GDA: variants seen among roughly 807,000 people sequenced by gnomAD.
GDA encodes guanine deaminase, also known as cytoplasmic PSD-95 interactor.
Under a neutral mutation model 59.6 loss-of-function variants are expected in GDA, and 18 were observed. The observed-to-expected ratio is 0.30, with a 90% confidence interval of 0.21 to 0.45. The LOEUF (loss-of-function observed/expected upper bound fraction) is 0.45. GDA is among the 20% of genes least tolerant of loss of function. The pLI, the probability that GDA is intolerant of heterozygous loss-of-function variation, is 1.00. For synonymous variants in GDA, 201 were observed against 201.1 expected (o/e 1.00, Z 0.00); for missense variants, 427 against 552.3 (o/e 0.77, Z 2.27).
intron 1 of GDA, among the ~76,000 whole-genome samples, chr9:72,177,767 C>T (rs1015846607): frequency 2.0e-5 from 3 of 152,144 alleles, no homozygotes; most frequent in South Asian, 4.1e-4. Context: ...CTGAGAGTTC[C>T]TTTAATGTGA....
chr9:72,136,739 G>T (rs548743578), intron 1 of GDA, among the ~76,000 whole-genome samples: 1 of 152,326 alleles, frequency 6.6e-6, no homozygotes, highest in African/African-American at 2.4e-5. Context: ...ACTTTGGTAG[G>T]CCGAGGTGGG....
intron 3 of GDA, among the ~76,000 whole-genome samples, chr9:72,203,623 A>G (rs1006739486): frequency 1.2e-4 from 19 of 152,140 alleles, no homozygotes; most frequent in African/African-American, 4.1e-4. Flanking sequence ...TCTGATCATT[A>G]TGTCCTGGTG....
chr9:72,141,658 A>G (rs975866356), intron 1 of GDA, among the ~76,000 whole-genome samples: 1 of 152,234 alleles, frequency 6.6e-6, no homozygotes, highest in South Asian at 2.1e-4. Flanking sequence ...CATGCATGCA[A>G]TGACTCTCAG....
intron 1 of GDA, among the ~76,000 whole-genome samples, chr9:72,130,666 T>A (rs982659697): frequency 1.3e-5 from 2 of 152,188 alleles, no homozygotes; most frequent in African/African-American, 4.8e-5. Flanking sequence ...ATGATTGAGG[T>A]GGCTAAAGAG....
intron 1 of GDA, among the ~76,000 whole-genome samples, chr9:72,130,499 C>T (rs1007550305): frequency 6.6e-6 from 1 of 152,218 alleles, no homozygotes; most frequent in African/African-American, 2.4e-5. Flanking sequence ...AAGTCCACAC[C>T]ACTGGTTAGT....
chr9:72,248,314 AGGT>A lies in GDA; in HGVS notation c.1341_1343del (p.Val448del). On this transcript the variant is annotated inframe_deletion, in exon 14 of 14. Coordinates refer to ENST00000358399, the MANE Select transcript of GDA (RefSeq NM_004293.5). Reference sequence around the variant, plus strand: ...GAAGAGGTTTATGTGGGCGGAAAGCAGGTGGTTCCGTTTTCCAGCTCAGTGTAA... The same window carrying A: ...GAAGAGGTTTATGTGGGCGGAAAGCAGGTTCCGTTTTCCAGCTCAGTGTAA... 1 of 1,613,488 alleles carries A rather than the reference AGGT, an allele frequency of 6.2e-7. No individual in the cohort carries two copies. The highest frequency in any genetic ancestry group is 8.5e-7 in the Non-Finnish European group (1 of 1,179,404).
Position 72,248,763 on chromosome 9 carries a change from T to C in GDA, c.*421T>C. 37 of 993,954 alleles carry C rather than the reference T, an allele frequency of 3.7e-5. No homozygotes were observed. The highest frequency in any genetic ancestry group is 4.4e-5 in the Non-Finnish European group (37 of 834,150). 61.6% of individuals were successfully genotyped at this position (993,954 alleles called of 1,614,324 possible). A position where few individuals can be genotyped will look rare whatever the true frequency, so the allele number is the denominator to read the frequency against. On this transcript the variant is annotated 3_prime_UTR_variant, in exon 14 of 14. Transcript: ENST00000358399. Reference sequence around the variant, plus strand: ...AAATGGACCCATGAGAGTATATTTTTATGAGGGAGCAAAAGTTAGACTGAG... The same window carrying C: ...AAATGGACCCATGAGAGTATATTTTCATGAGGGAGCAAAAGTTAGACTGAG...
At chr9:72,138,757 A>G (rs951288386) in intron 1 of GDA, among the ~76,000 whole-genome samples, 1 of 152,176 alleles carries the variant, frequency 6.6e-6, no homozygotes, top group African/African-American at 2.4e-5. Context: ...ACTTTTTAAA[A>G]TCTTTCAATT....
chr9:72,233,554 T>C (rs376764715), intron 10 of GDA, among the ~76,000 whole-genome samples: 196 of 151,804 alleles, frequency 1.3e-3, no homozygotes, highest in African/African-American at 4.5e-3. Flanking sequence ...GTTTTGGGAG[T>C]TTCTTCTAAA....
At chr9:72,195,353 TTTG>T in intron 1 of GDA, 144 bp from the exon 2 acceptor site, 9 of 286,718 alleles carry the variant, frequency 3.1e-5, no homozygotes, top group Admixed American at 5.0e-5. Context: ...TTTTTTTTTT[TTTG>T]CCTCTAAACT....
intron 2 of GDA, among the ~76,000 whole-genome samples, chr9:72,200,037 A>C (rs370769033): frequency 7.9e-6 from 1 of 126,314 alleles, no homozygotes; most frequent in Non-Finnish European, 1.6e-5. Flanking sequence ...TCGCTCTGTC[A>C]CCCAGGCTGG....
Position 72,251,013 on chromosome 9 carries a change from T to C in GDA, c.*2671T>C. ...TGTCCTAAACAGACCAAGGAGACTG[T>C]TCCCTAATTTATTCTCTTGGCTGGT... On this transcript the variant is annotated 3_prime_UTR_variant, in exon 14 of 14. Transcript: ENST00000358399. 1 of 570,662 alleles carries C rather than the reference T, an allele frequency of 1.8e-6. No homozygotes were observed. The highest frequency in any genetic ancestry group is 3.1e-6 in the Non-Finnish European group (1 of 323,430). 35.3% of individuals were successfully genotyped at this position (570,662 alleles called of 1,614,324 possible).
intron 10 of GDA, among the ~76,000 whole-genome samples, chr9:72,232,666 A>G (rs1838492267): frequency 1.3e-5 from 2 of 152,248 alleles, no homozygotes; most frequent in Admixed American, 1.3e-4. Flanking sequence ...TTTGGTCTCC[A>G]TAATTTAAGT....
At chr9:72,228,566 A>C (rs1030004147) in intron 9 of GDA, 2 of 152,868 alleles carry the variant, frequency 1.3e-5, no homozygotes, top group African/African-American at 4.8e-5. Context: ...TAACCTTTTG[A>C]AAGGTGATGG....
intron 1 of GDA, among the ~76,000 whole-genome samples, chr9:72,119,377 C>T (rs1380710098): frequency 4.6e-5 from 7 of 152,074 alleles, no homozygotes; most frequent in Admixed American, 1.3e-4. Context: ...TGGTGGCTCA[C>T]GCCTGTAGTC....
chr9:72,177,653 T>C (rs1038864523), intron 1 of GDA, among the ~76,000 whole-genome samples: 2 of 152,202 alleles, frequency 1.3e-5, no homozygotes, highest in African/African-American at 4.8e-5. Context: ...TAACTAATAA[T>C]ACAGAGTGAG....
intron 1 of GDA, among the ~76,000 whole-genome samples, chr9:72,190,662 T>C (rs1363492841): frequency 6.6e-6 from 1 of 152,192 alleles, no homozygotes; most frequent in African/African-American, 2.4e-5. Flanking sequence ...AATCCCCTTT[T>C]CTTCTTGAAT....
chr9:72,202,550 T>A (rs375585337), intron 2 of GDA, 21 bp from the exon 3 acceptor site: 4 of 1,483,292 alleles, frequency 2.7e-6, no homozygotes, highest in Non-Finnish European at 3.7e-6. Context: ...TAAATACTTT[T>A]ATTCTCATCT....
upstream of GDA, among the ~76,000 whole-genome samples, chr9:72,148,270 A>C (rs941446493): frequency 6.6e-6 from 1 of 151,828 alleles, no homozygotes; most frequent in Admixed American, 6.6e-5. Flanking sequence ...CATAAGACAC[A>C]TTCCCTGCTC....
Sources: allele counts gnomAD v4.1 joint callset (sites outside exome capture counted in the v4.1 genomes callset), GRCh38; gene constraint gnomAD v4.1.1; transcripts MANE v1.5; gene names NCBI Gene and HGNC (gene_info 2026-07-23, HGNC 2026-07-21).